OPCML: variants seen among roughly 807,000 people sequenced by gnomAD.
OPCML encodes opioid-binding protein/cell adhesion molecule.
Under a neutral mutation model 37.8 loss-of-function variants are expected in OPCML, and 13 were observed. The observed-to-expected ratio is 0.34, with a 90% CI of 0.22 to 0.55. The LOEUF is 0.55. Ranked by LOEUF, OPCML falls within the 20% of genes least tolerant of loss-of-function variation. OPCML has a pLI of 0.91. For synonymous variants in OPCML, 176 were observed against 168.8 expected (o/e 1.04, Z -0.33); for missense variants, 341 against 435.6 (o/e 0.78, Z 1.93).
intron 2 of OPCML, among the ~76,000 whole-genome samples, chr11:132,758,981 A>G (rs895382834): frequency 6.6e-6 from 1 of 152,112 alleles, no homozygotes; most frequent in Non-Finnish European, 1.5e-5. Context: ...CTTCATCAAT[A>G]CCTAGTTTAT....
intron 2 of OPCML, among the ~76,000 whole-genome samples, chr11:132,676,932 A>G (rs1942737743): frequency 6.6e-6 from 1 of 152,068 alleles, no homozygotes; most frequent in Non-Finnish European, 1.5e-5. Flanking sequence ...AAACTGATTA[A>G]GAAGAAAGAA....
At chr11:133,519,130 T>C (rs994167687) in intron 1 of OPCML, among the ~76,000 whole-genome samples, 2 of 152,134 alleles carry the variant, frequency 1.3e-5, no homozygotes, top group African/African-American at 2.4e-5. Flanking sequence ...CAGCAGAACC[T>C]TGTGCTGGGT....
At chr11:132,562,923 C>T (rs959287810) in intron 3 of OPCML, among the ~76,000 whole-genome samples, 4 of 152,156 alleles carry the variant, frequency 2.6e-5, no homozygotes, top group Non-Finnish European at 4.4e-5. Flanking sequence ...AATCTCTGAA[C>T]GTACACTGAG....
chr11:133,230,945 C>A (rs954738586), intron 1 of OPCML, among the ~76,000 whole-genome samples: 1 of 152,164 alleles, frequency 6.6e-6, no homozygotes, highest in East Asian at 1.9e-4. Context: ...ATTCAGACAC[C>A]GGATCTGCCA....
chr11:132,686,672 C>T (rs1441603497), intron 2 of OPCML, among the ~76,000 whole-genome samples: 2 of 152,172 alleles, frequency 1.3e-5, no homozygotes, highest in Non-Finnish European at 2.9e-5. Flanking sequence ...TCCCATTCCC[C>T]AGTGTCCTGA....
At chr11:132,933,551 T>A (rs1401811330) in intron 2 of OPCML, among the ~76,000 whole-genome samples, 1 of 151,950 alleles carries the variant, frequency 6.6e-6, no homozygotes, top group African/African-American at 2.4e-5. Flanking sequence ...GATGAGAATA[T>A]CTTCATTAGA....
At chr11:133,124,645 C>T (rs997789760) in intron 1 of OPCML, among the ~76,000 whole-genome samples, 1 of 151,530 alleles carries the variant, frequency 6.6e-6, no homozygotes, top group Non-Finnish European at 1.5e-5. Context: ...TGAGACTGAG[C>T]TGTTATCTTC....
rs114254612 is a variant in OPCML at position 133,359,802 on chromosome 11, G to T, written c.61+172462C>A. Among the ~76,000 whole-genome samples the T allele has an allele frequency of 1.9e-4, 29 of 152,260 alleles. No homozygotes were observed. The South Asian group carries it at 5.8e-3, about 30-fold the overall frequency. On this transcript the variant is annotated intron_variant, in intron 1 of 7. Transcript: ENST00000524381. ...TATCTTGTTATCCTCGGTATTTAGC[G>T]TATTAGTTGCTCAATTATTCGCCAA...
chr11:133,003,076 A>G (rs1036123028), intron 1 of OPCML, among the ~76,000 whole-genome samples: 1 of 152,244 alleles, frequency 6.6e-6, no homozygotes, highest in Non-Finnish European at 1.5e-5. Context: ...GAAAAGAAAA[A>G]CACAGCAGAA....
chr11:132,479,041 C>T (rs867021079), intron 4 of OPCML, among the ~76,000 whole-genome samples: 1 of 151,928 alleles, frequency 6.6e-6, no homozygotes, highest in African/African-American at 2.4e-5. Flanking sequence ...GCCAAGATGG[C>T]CGAATAGGAA....
intron 1 of OPCML, among the ~76,000 whole-genome samples, chr11:133,119,280 A>C (rs767896690): frequency 6.6e-6 from 1 of 152,052 alleles, no homozygotes; most frequent in Non-Finnish European, 1.5e-5. Context: ...AATTATCTAT[A>C]TCACTTATCT....
chr11:133,005,259 G>A, intron 1 of OPCML: 1 of 985,396 alleles, frequency 1.0e-6, no homozygotes. Context: ...AGTGGAAAAA[G>A]TGCATGAATG....
chr11:133,185,977 G>T (rs1337840514), intron 1 of OPCML, among the ~76,000 whole-genome samples: 1 of 152,184 alleles, frequency 6.6e-6, no homozygotes, highest in Non-Finnish European at 1.5e-5. Context: ...TATTCCATAT[G>T]TACTTATTCC....
In OPCML at chr11:133,173,408, G is replaced by A. The variant is rs984098503; in HGVS notation, c.62-230398C>T. The stretch of plus-strand genomic sequence containing the variant: ...TACAGATCCCAGTATGTTGCACACT[G>A]TAAGAACTTAAAAGAATAATAAATC... On this transcript the variant is annotated intron_variant, in intron 1 of 7. Transcript: ENST00000524381. This position sits in a 1 kb window ranked among gnomAD's most constrained non-coding sequence, Gnocchi z 7.8. Among the ~76,000 whole-genome samples the A allele has an allele frequency of 2.6e-5, 4 of 152,128 alleles. No homozygotes were observed. Among genetic ancestry groups the A allele is most frequent in the African/African-American group, 9.7e-5 (4 of 41,428 alleles).
intron 2 of OPCML, among the ~76,000 whole-genome samples, chr11:132,684,694 A>C (rs2135864989): frequency 6.6e-6 from 1 of 152,346 alleles, no homozygotes; most frequent in South Asian, 2.1e-4. Context: ...CTATACACAA[A>C]GAATTAATCA....
intron 4 of OPCML, among the ~76,000 whole-genome samples, chr11:132,494,952 T>C (rs1431198998): frequency 1.3e-5 from 2 of 151,892 alleles, no homozygotes; most frequent in Non-Finnish European, 2.9e-5. Context: ...AGAATGAAGC[T>C]CAGACCCTAC....
At chr11:132,846,352 C>T (rs1461821209) in intron 2 of OPCML, among the ~76,000 whole-genome samples, 7 of 152,164 alleles carry the variant, frequency 4.6e-5, no homozygotes, top group African/African-American at 1.2e-4. Context: ...ACATGGTTCC[C>T]AAGGTCTAGG....
chr11:133,240,008 C>T (rs1476891814), intron 1 of OPCML, among the ~76,000 whole-genome samples: 1 of 151,894 alleles, frequency 6.6e-6, no homozygotes, highest in African/African-American at 2.4e-5. Context: ...AAAAAATTTT[C>T]GATTTGCCAA....
chr11:132,964,585 C>T (rs1946171546), intron 1 of OPCML, among the ~76,000 whole-genome samples: 1 of 152,116 alleles, frequency 6.6e-6, no homozygotes, highest in Non-Finnish European at 1.5e-5. Flanking sequence ...CCATTTGTTC[C>T]TTCTCAACCT....
Sources: allele counts gnomAD v4.1 joint callset (sites outside exome capture counted in the v4.1 genomes callset), GRCh38; gene constraint gnomAD v4.1.1; non-coding constraint Gnocchi (gnomAD v3.1); transcripts MANE v1.5; gene names NCBI Gene and HGNC (gene_info 2026-07-23, HGNC 2026-07-21).